EIF4G3: variants seen among roughly 807,000 people sequenced by gnomAD.
EIF4G3 encodes eIF-4-gamma 3.
EIF4G3 carries 34 observed loss-of-function variants against 186.4 expected under a neutral mutation model. The observed-to-expected ratio is 0.18, with a 90% CI of 0.14 to 0.24. The LOEUF is 0.24. Among genes scored for constraint, EIF4G3 ranks in the 10% least tolerant of loss-of-function variants. The probability of loss-of-function intolerance (pLI) is 1.00; values close to 1 mark genes in which losing one functional copy is unlikely to be tolerated. For synonymous variants in EIF4G3, 673 were observed against 679.5 expected (o/e 0.99, Z 0.15); for missense variants, 1,536 against 1,948.5 (o/e 0.79, Z 3.99).
intron 14 of EIF4G3, among the ~76,000 whole-genome samples, chr1:20,924,927 C>T (rs962445443): frequency 2.0e-5 from 3 of 152,322 alleles, no homozygotes; most frequent in Admixed American, 2.0e-4. Flanking sequence ...AAACTTGCTT[C>T]TGGCTTTAAT....
intron 4 of EIF4G3, among the ~76,000 whole-genome samples, chr1:21,047,887 T>C (rs868394670): frequency 1.3e-5 from 2 of 152,116 alleles, no homozygotes; most frequent in African/African-American, 2.4e-5. Flanking sequence ...AGTGTTAACA[T>C]ATTGCTAGGA....
In EIF4G3 at chr1:20,807,201, G is replaced by T; in HGVS notation, c.*118C>A. On this transcript the variant is annotated 3_prime_UTR_variant, in exon 37 of 37. Coordinates refer to ENST00000602326, the MANE Select transcript of EIF4G3 (RefSeq NM_001391906.1). ...TTTCTCTTTCCCCTCTCCCACTCGT[G>T]CACACGTGGGGGTTTCTGCGAGAAT... 1.2e-6 allele frequency: 1 copy of T among 829,686 alleles called. No individual in the cohort carries two copies. Among genetic ancestry groups the T allele is most frequent in the Non-Finnish European group, 1.8e-6 (1 of 558,386 alleles). 51.4% of individuals were successfully genotyped at this position (829,686 alleles called of 1,614,324 possible).
At chr1:20,869,466 C>T (rs1253763989) in intron 20 of EIF4G3, among the ~76,000 whole-genome samples, 3 of 151,748 alleles carry the variant, frequency 2.0e-5, no homozygotes, top group Non-Finnish European at 4.4e-5. Context: ...TGGCCAAGGA[C>T]AGTTTGCTCT....
chr1:21,134,563 G>C (rs755054159), intron 2 of EIF4G3, among the ~76,000 whole-genome samples: 2 of 152,254 alleles, frequency 1.3e-5, no homozygotes, highest in East Asian at 1.9e-4. Context: ...CCAGCTACTC[G>C]GGCGCTGATT....
chr1:21,105,007 T>C (rs927592417), intron 2 of EIF4G3, among the ~76,000 whole-genome samples: 2 of 152,048 alleles, frequency 1.3e-5, no homozygotes, highest in African/African-American at 4.8e-5. Context: ...AAAAATTGAG[T>C]ACGCATTGAC....
intron 2 of EIF4G3, among the ~76,000 whole-genome samples, chr1:21,124,413 A>G (rs2096988233): frequency 6.6e-6 from 1 of 152,222 alleles, no homozygotes; most frequent in Non-Finnish European, 1.5e-5. Flanking sequence ...CATGGGCACT[A>G]CTGGCTTCAA....
At chr1:21,072,088 C>T (rs1463606912) in intron 3 of EIF4G3, among the ~76,000 whole-genome samples, 1 of 152,160 alleles carries the variant, frequency 6.6e-6, no homozygotes, top group African/African-American at 2.4e-5. Context: ...GATAATTATA[C>T]TACAAGTCTT....
At chr1:20,898,984 C>T (rs1026468011) in intron 16 of EIF4G3, among the ~76,000 whole-genome samples, 7 of 152,190 alleles carry the variant, frequency 4.6e-5, no homozygotes, top group Admixed American at 3.3e-4. Context: ...CCCGCCTCGG[C>T]CTCCCTAAGT....
intron 2 of EIF4G3, among the ~76,000 whole-genome samples, chr1:21,153,578 G>T (rs2097583594): frequency 6.6e-6 from 1 of 152,082 alleles, no homozygotes; most frequent in Admixed American, 6.6e-5. Flanking sequence ...TTGTTTGTTT[G>T]AGACGGAGTC....
intron 16 of EIF4G3, among the ~76,000 whole-genome samples, chr1:20,898,282 G>A (rs2089065241): frequency 6.6e-6 from 1 of 152,120 alleles, no homozygotes; most frequent in African/African-American, 2.4e-5. Flanking sequence ...TTGAGCACAA[G>A]AGTTTGAAAG....
At position 20,864,724 on chromosome 1, in the gene EIF4G3, G is replaced by A. The variant is rs758097938; in HGVS notation, c.2770-12C>T. 138 of 1,600,530 alleles carry A rather than the reference G, an allele frequency of 8.6e-5. No homozygotes were observed. Among genetic ancestry groups the A allele is most frequent in the Non-Finnish European group, 1.1e-4 (128 of 1,168,362 alleles). On this transcript the variant is annotated splice_polypyrimidine_tract_variant and intron_variant, in intron 21 of 36. Transcript: ENST00000602326. The stretch of plus-strand genomic sequence containing the variant: ...GTCCTCTCCTCTGGCTGTTGTGTAA[G>A]GAGGAATAATAGCATCTTGATGATG...
rs979991727 is a variant in EIF4G3 at position 21,162,021 on chromosome 1, A to G, written c.-272+14154T>C. ...GTTCTTCCAGAATATAGAGGTGCCAAAGCAGCTCTACATGACAAGGATTAT... is the reference window on the plus strand; with the variant it reads ...GTTCTTCCAGAATATAGAGGTGCCAGAGCAGCTCTACATGACAAGGATTAT... On this transcript the variant is annotated intron_variant, in intron 2 of 36. Coordinates refer to ENST00000602326, the MANE Select transcript of EIF4G3 (RefSeq NM_001391906.1). The G allele has an allele frequency of 3.9e-5, 6 of 153,750 alleles. No individual in the cohort carries two copies. The East Asian group carries it at 1.1e-3, about 28-fold the overall frequency. The allele number at this position is 153,750 out of a possible 1,614,324, so 9.5% of individuals were successfully genotyped here. A position where few individuals can be genotyped will look rare whatever the true frequency, so the allele number is the denominator to read the frequency against.
intron 3 of EIF4G3, among the ~76,000 whole-genome samples, chr1:21,051,461 A>G (rs2094209168): frequency 2.0e-5 from 3 of 152,194 alleles, no homozygotes; most frequent in Admixed American, 2.0e-4. Context: ...GGACGTATAC[A>G]CTAAAAAGGG....
chr1:20,871,238 G>A (rs2079119567), intron 20 of EIF4G3, among the ~76,000 whole-genome samples: 1 of 152,160 alleles, frequency 6.6e-6, no homozygotes, highest in Non-Finnish European at 1.5e-5. Context: ...TAAACAATGA[G>A]AACACATATT....
intron 10 of EIF4G3, among the ~76,000 whole-genome samples, chr1:20,978,694 A>C (rs1373178792): frequency 6.6e-6 from 1 of 151,750 alleles, no homozygotes; most frequent in Non-Finnish European, 1.5e-5. Context: ...AAAAAAAAAA[A>C]AACCCATGGT....
chr1:21,166,230 C>T lies in EIF4G3; in HGVS notation c.-272+9945G>A, dbSNP rs578052356. 1.3e-4 allele frequency among the ~76,000 whole-genome samples: 19 copies of T among 149,228 alleles called. 1 individual carries two copies. The highest frequency in any genetic ancestry group is 4.7e-4 in the African/African-American group (19 of 40,550). On this transcript the variant is annotated intron_variant, in intron 2 of 36. Transcript: ENST00000602326. ...TCCCTTGAGCCCAGGAGTTTGAGATCAGCCTGGGCAACAAACTGAGATCTC... is the reference window on the plus strand; with the variant it reads ...TCCCTTGAGCCCAGGAGTTTGAGATTAGCCTGGGCAACAAACTGAGATCTC...
In EIF4G3 at chr1:21,159,603, G is replaced by A. The variant is rs148464098; in HGVS notation, c.-272+16572C>T. 5.1e-3 allele frequency among the ~76,000 whole-genome samples: 780 copies of A among 152,168 alleles called. 7 individuals are homozygous for A. Among genetic ancestry groups the A allele is most frequent in the African/African-American group, 0.018 (748 of 41,518 alleles). On this transcript the variant is annotated intron_variant, in intron 2 of 36. Coordinates refer to ENST00000602326, the MANE Select transcript of EIF4G3 (RefSeq NM_001391906.1). ...AATACAAAAAAAATTAGCCAAGCGT[G>A]GTGGCGCACGCCTGTAATTCCAACT...
At chr1:21,024,150 C>T (rs1345523538) in intron 4 of EIF4G3, among the ~76,000 whole-genome samples, 1 of 143,400 alleles carries the variant, frequency 7.0e-6, no homozygotes, top group African/African-American at 2.5e-5. Context: ...GGCAGTCACC[C>T]CGTCCGGGAG....
At position 20,855,440 on chromosome 1, in the gene EIF4G3, G is replaced by A. The variant is rs1380515911; in HGVS notation, c.3340-369C>T. On this transcript the variant is annotated intron_variant, in intron 25 of 36. Coordinates refer to ENST00000602326, the MANE Select transcript of EIF4G3 (RefSeq NM_001391906.1). ...CAAATACTACAAAATTAATTCATTA[G>A]TGTCTTTACATGACTGTCAGAAAAC... Among the ~76,000 whole-genome samples, 5 of 152,158 alleles carry A rather than the reference G, an allele frequency of 3.3e-5. No homozygotes were observed. In the East Asian group the frequency reaches 9.6e-4, roughly 29 times the overall value.
Sources: gnomAD v4.1 joint callset for allele counts (sites outside exome capture counted in the v4.1 genomes callset) on GRCh38, gnomAD v4.1.1 for gene constraint, MANE v1.5 for transcripts, NCBI Gene and HGNC (gene_info 2026-07-23, HGNC 2026-07-21) for gene names.